TRIO: variants seen among roughly 807,000 people sequenced by gnomAD.
The protein encoded by TRIO is triple functional domain protein.
TRIO carries 58 observed loss-of-function variants against 351.9 expected under a neutral mutation model. The observed-to-expected ratio is 0.16, with a 90% CI of 0.13 to 0.21. TRIO has a LOEUF of 0.21. TRIO is among the 10% of genes least tolerant of loss of function. TRIO has a pLI of 1.00. For synonymous variants in TRIO, 1,758 were observed against 1,595.7 expected, an observed-to-expected ratio of 1.10 and a Z score of -2.42; for missense variants, 3,201 against 4,027.8, an observed-to-expected ratio of 0.79 and a Z score of 5.56.
intron 11 of TRIO, among the ~76,000 whole-genome samples, chr5:14,346,997 A>G (rs984162202): frequency 6.6e-6 from 1 of 152,246 alleles, no homozygotes; most frequent in African/African-American, 2.4e-5. Flanking sequence ...CTGACTGACA[A>G]AGGTAGTGGT....
chr5:14,173,540 C>T (rs1484215606), intron 1 of TRIO, among the ~76,000 whole-genome samples: 4 of 151,998 alleles, frequency 2.6e-5, no homozygotes, highest in South Asian at 2.1e-4. Context: ...TTCTGTGAGC[C>T]GCTAATAAAA....
intron 10 of TRIO, among the ~76,000 whole-genome samples, chr5:14,335,435 G>A (rs1348882641): frequency 6.6e-6 from 1 of 152,110 alleles, no homozygotes; most frequent in Admixed American, 6.5e-5. Flanking sequence ...TTCCTTTCCT[G>A]TCCTGGCATC....
chr5:14,479,143 G>T, intron 41 of TRIO, 118 bp from the exon 42 acceptor site: 1 of 809,594 alleles, frequency 1.2e-6, no homozygotes, highest in Non-Finnish European at 2.1e-6. Context: ...AGCCTTAGCT[G>T]TGCAGCTTGG....
At chr5:14,485,359 C>T in intron 47 of TRIO, 113 bp downstream of exon 47, 1 of 1,136,356 alleles carries the variant, frequency 8.8e-7, no homozygotes, top group Non-Finnish European at 1.2e-6. Context: ...GCACTCACCA[C>T]TCTTCAGGCA....
rs1747343584 is a variant in TRIO, at chr5:14,394,022, T to A, written c.4219-16T>A. ...GCCCTATGATAACTCTTGTTTCTTG[T>A]TTGGTTTTAATACAGGAGATACAGC... On this transcript the variant is annotated splice_polypyrimidine_tract_variant and intron_variant, in intron 27 of 56. Transcript: ENST00000344204. 6.3e-7 allele frequency: 1 copy of A among 1,588,878 alleles called. No homozygotes were observed. The highest frequency in any genetic ancestry group is 1.3e-5 in the African/African-American group (1 of 74,212).
At chr5:14,331,035 A>G in intron 10 of TRIO, 135 bp downstream of exon 10, 1 of 1,295,194 alleles carries the variant, frequency 7.7e-7, no homozygotes, top group Non-Finnish European at 1.0e-6. Context: ...AAAGGCTCCG[A>G]TTTCAGAGTG....
chr5:14,426,616 G>C (rs1184982446), intron 34 of TRIO, among the ~76,000 whole-genome samples: 1 of 152,232 alleles, frequency 6.6e-6, no homozygotes, highest in Non-Finnish European at 1.5e-5. Context: ...AAATGGGATA[G>C]AGGAACTGCA....
chr5:14,486,937 T>C (rs776997729), intron 47 of TRIO, among the ~76,000 whole-genome samples: 28 of 152,208 alleles, frequency 1.8e-4, no homozygotes, highest in African/African-American at 2.4e-4. Flanking sequence ...ACATGTTATT[T>C]TGGCCTGATT....
At chr5:14,428,591 T>C (rs1750840245) in intron 34 of TRIO, among the ~76,000 whole-genome samples, 1 of 152,200 alleles carries the variant, frequency 6.6e-6, no homozygotes, top group Non-Finnish European at 1.5e-5. Context: ...CTACATAGCG[T>C]ATAATTATGG....
chr5:14,452,673 G>A (rs1337027508), intron 34 of TRIO, among the ~76,000 whole-genome samples: 2 of 152,236 alleles, frequency 1.3e-5, no homozygotes, highest in Non-Finnish European at 2.9e-5. Flanking sequence ...CTGAGAAATG[G>A]AAGACATGCA....
At chr5:14,482,515 C>A in intron 45 of TRIO, 67 bp from the exon 46 acceptor site, 1 of 1,215,670 alleles carries the variant, frequency 8.2e-7, no homozygotes, top group Non-Finnish European at 1.1e-6. Context: ...AAGAAAACAG[C>A]TTCAGATAAC....
intron 1 of TRIO, among the ~76,000 whole-genome samples, chr5:14,151,928 GT>G (rs1164947863): frequency 1.3e-5 from 2 of 152,120 alleles, no homozygotes; most frequent in Non-Finnish European, 2.9e-5. Flanking sequence ...AAATTCTGTT[GT>G]TTTTTAGATA....
intron 19 of TRIO, among the ~76,000 whole-genome samples, chr5:14,376,776 C>G (rs1745601187): frequency 6.6e-6 from 1 of 152,180 alleles, no homozygotes; most frequent in African/African-American, 2.4e-5. Flanking sequence ...ATTCCCAGTT[C>G]AAAGGAATGC....
At chr5:14,388,817 C>T in intron 24 of TRIO, 138 bp downstream of exon 24, 1 of 1,006,022 alleles carries the variant, frequency 9.9e-7, no homozygotes, top group East Asian at 2.6e-5. Context: ...AAGTATGCTT[C>T]AGCAGCCGGT....
chr5:14,297,021 C>G (rs1198233641), intron 6 of TRIO, 51 bp from the exon 7 acceptor site: 1 of 1,530,654 alleles, frequency 6.5e-7, no homozygotes, highest in Admixed American at 1.9e-5. Flanking sequence ...TAGAAGGGAG[C>G]CTCCTATTTG....
chr5:14,163,053 T>C (rs181684166), intron 1 of TRIO, among the ~76,000 whole-genome samples: 19 of 152,320 alleles, frequency 1.2e-4, no homozygotes. Context: ...AACGTGCAGG[T>C]TTGTTACATA....
intron 33 of TRIO, among the ~76,000 whole-genome samples, chr5:14,416,172 G>A (rs1241545395): frequency 6.7e-6 from 1 of 148,654 alleles, no homozygotes; most frequent in Non-Finnish European, 1.5e-5. Flanking sequence ...ACCTCCGTCA[G>A]ACGTAACATA....
At chr5:14,305,236 G>C (rs1044125810) in intron 8 of TRIO, among the ~76,000 whole-genome samples, 1 of 152,242 alleles carries the variant, frequency 6.6e-6, no homozygotes, top group Admixed American at 6.5e-5. Flanking sequence ...AGGCAGGCAG[G>C]CTGCATGTTC....
At chr5:14,507,473 C>T (rs934816811) in intron 56 of TRIO, among the ~76,000 whole-genome samples, 8 of 152,182 alleles carry the variant, frequency 5.3e-5, no homozygotes, top group Non-Finnish European at 1.2e-4. Flanking sequence ...GGTAAAACGC[C>T]GGAGCCCTCC....
Sources: gnomAD v4.1 joint callset for allele counts (sites outside exome capture counted in the v4.1 genomes callset) on GRCh38, gnomAD v4.1.1 for gene constraint, MANE v1.5 for transcripts, NCBI Gene and HGNC (gene_info 2026-07-23, HGNC 2026-07-21) for gene names.